Variants in KLHL35 observed in about 807,000 individuals in gnomAD.
KLHL35 encodes kelch-like protein 35.
In KLHL35, 50 loss-of-function variants were observed where a neutral mutation model predicts 44.0. The ratio of observed to expected loss-of-function variants is 1.14; its 90% CI spans 0.91 to 1.44. The LOEUF (loss-of-function observed/expected upper bound fraction) is 1.44. Among genes scored for constraint, KLHL35 ranks in the 40% most tolerant of loss-of-function variants. The pLI, the probability that KLHL35 is intolerant of heterozygous loss-of-function variation, is 0.00. For synonymous variants in KLHL35, 470 were observed against 410.4 expected, an observed-to-expected ratio of 1.15 and a Z score of -1.76; for missense variants, 1,049 against 887.8, an observed-to-expected ratio of 1.18 and a Z score of -2.31.
chr11:75,428,553 C>A lies in KLHL35; in HGVS notation c.955G>T (p.Ala319Ser), dbSNP rs757064527. Reference protein sequence around the residue: ...DRKGLLKLPFADAYHPESQRW... With the variant: ...DRKGLLKLPFSDAYHPESQRW... Reference sequence around the variant, plus strand: ...TGGCTCTCTGGATGGTAGGCATCGGCGAAGGGCAGCTTCAGGAGACCTTTG... The same window carrying A: ...TGGCTCTCTGGATGGTAGGCATCGGAGAAGGGCAGCTTCAGGAGACCTTTG... The change falls in exon 3 of 7, where the codon GCC (alanine) becomes TCC (serine). Residue 319 changes from alanine (A) to serine (S), a missense_variant. By Grantham distance (99) the Ala-to-Ser change is moderately conservative (BLOSUM62 1). Transcript: ENST00000539798. 2 of 1,611,524 alleles carry A rather than the reference C, an allele frequency of 1.2e-6. No individual in the cohort carries two copies. Among genetic ancestry groups the A allele is most frequent in the Non-Finnish European group, 1.7e-6 (2 of 1,179,700 alleles).
At chr11:75,432,551 A>G (rs1948545843) in intron 1 of KLHL35, among the ~76,000 whole-genome samples, 1 of 152,172 alleles carries the variant, frequency 6.6e-6, no homozygotes, top group Admixed American at 6.5e-5. Flanking sequence ...GAGACTCAAG[A>G]GGGCAGGTCT....
chr11:75,422,955 T>G, intron 6 of KLHL35, 187 bp from the exon 7 acceptor site: 1 of 597,512 alleles, frequency 1.7e-6, no homozygotes, highest in East Asian at 2.8e-5. Flanking sequence ...GTGAATGGCG[T>G]TAGGCAAGTC....
chr11:75,423,621 A>G (rs1278006112), intron 6 of KLHL35, 71 bp downstream of exon 6: 40 of 1,320,926 alleles, frequency 3.0e-5, no homozygotes, highest in Middle Eastern at 3.7e-4. Context: ...TGGAGTCACA[A>G]GATTCACAAG....
At chr11:75,426,691 C>T (rs754581571) in intron 3 of KLHL35, 53 bp from the exon 4 acceptor site, 2 of 1,284,566 alleles carry the variant, frequency 1.6e-6, no homozygotes, top group Admixed American at 2.0e-5. Context: ...ATCCCAAGCA[C>T]CCCCAAAGAG....
chr11:75,424,201 C>T lies in KLHL35; in HGVS notation c.1375-321G>A, dbSNP rs1948472977. 1.1e-5 allele frequency: 3 copies of T among 263,044 alleles called. No homozygotes were observed. The East Asian group carries it at 2.5e-4, about 22-fold the overall frequency. The allele number at this position is 263,044 out of a possible 1,614,324, so 16.3% of individuals were successfully genotyped here. A position where few individuals can be genotyped will look rare whatever the true frequency, so the allele number is the denominator to read the frequency against. ...GTTCCCCCCTCCCCTCACCCCTCAACACACACACACAGGAACAGTCTCTCC... is the reference window on the plus strand; with the variant it reads ...GTTCCCCCCTCCCCTCACCCCTCAATACACACACACAGGAACAGTCTCTCC... On this transcript the variant is annotated intron_variant, in intron 5 of 6. Coordinates refer to ENST00000539798, the MANE Select transcript of KLHL35 (RefSeq NM_001039548.3).
intron 6 of KLHL35, chr11:75,422,972 C>A (rs1014795013): frequency 5.3e-6 from 3 of 569,136 alleles, no homozygotes; most frequent in Admixed American, 3.0e-5. Flanking sequence ...AGTCACTTAA[C>A]CTCTCTGGAC....
chr11:75,422,481 G>A lies in KLHL35; in HGVS notation c.*99C>T. 9.1e-7 allele frequency: 1 copy of A among 1,099,030 alleles called. No individual in the cohort carries two copies. The highest frequency in any genetic ancestry group is 1.3e-6 in the Non-Finnish European group (1 of 758,766). 68.1% of individuals were successfully genotyped at this position (1,099,030 alleles called of 1,614,324 possible). A position where few individuals can be genotyped will look rare whatever the true frequency, so the allele number is the denominator to read the frequency against. The stretch of plus-strand genomic sequence containing the variant: ...TTTATACAAGAAAAGGGACCATTAA[G>A]TTAAGGGCTGTTTGCGTGGAGGTGC... On this transcript the variant is annotated 3_prime_UTR_variant, in exon 7 of 7. Coordinates refer to ENST00000539798, the MANE Select transcript of KLHL35 (RefSeq NM_001039548.3).
At chr11:75,427,822 C>T (rs1386349386) in intron 3 of KLHL35, among the ~76,000 whole-genome samples, 1 of 152,198 alleles carries the variant, frequency 6.6e-6, no homozygotes. Context: ...GTCATCTCTT[C>T]TATGAACCCT....
At position 75,428,399 on chromosome 11, in the gene KLHL35, C is replaced by G. The variant is rs1319815870; in HGVS notation, c.1066+43G>C. ...CAAAGGGGGTGGAGTGCGGAGGCTA[C>G]TAGTCAATCCCGTGTGAGCTCCCGT... On this transcript the variant is annotated intron_variant, in intron 3 of 6. Transcript: ENST00000539798. 2.5e-6 allele frequency: 4 copies of G among 1,605,028 alleles called. No individual in the cohort carries two copies. The South Asian group carries it at 4.4e-5, about 18-fold the overall frequency.
Position 75,430,214 on chromosome 11 carries a change from C to T in KLHL35, c.416G>A (p.Arg139His), listed in dbSNP as rs1178799918. 9 of 1,229,636 alleles carry T rather than the reference C, an allele frequency of 7.3e-6. No individual in the cohort carries two copies. The highest frequency in any genetic ancestry group is 4.8e-5 in the African/African-American group (3 of 62,158). 76.2% of individuals were successfully genotyped at this position (1,229,636 alleles called of 1,614,324 possible). Residue 139 changes from arginine to histidine, a missense_variant, in exon 2 of 7, where the codon CGC becomes CAC. Physicochemically the swap from Arg to His is conservative, Grantham distance 29 (BLOSUM62 0). Transcript: ENST00000539798. ...LAERLGVAGL[R>H]EACVRFLEGR... The stretch of plus-strand genomic sequence containing the variant: ...CTCGAGAAAGCGCACGCAGGCCTCG[C>T]GCAGGCCCGCCACGCCCAGCCGCTC...
intron 1 of KLHL35, among the ~76,000 whole-genome samples, chr11:75,430,846 C>A (rs554152106): frequency 6.6e-6 from 1 of 152,346 alleles, no homozygotes; most frequent in Non-Finnish European, 1.5e-5. Context: ...GTGCCCTTTT[C>A]GGTTCTTCAA....
intron 6 of KLHL35, 129 bp downstream of exon 6, chr11:75,423,563 C>T (rs1948467499): frequency 2.6e-6 from 2 of 775,922 alleles, no homozygotes; most frequent in African/African-American, 1.7e-5. Context: ...GGTTCACTAT[C>T]ACTGTGAGGA....
At chr11:75,423,965 CG>C in intron 5 of KLHL35, 85 bp from the exon 6 acceptor site, 4 of 1,080,866 alleles carry the variant, frequency 3.7e-6, no homozygotes, top group Non-Finnish European at 4.0e-6. Context: ...CCTCTCCCCC[CG>C]GGGGCACTCA....
chr11:75,424,214 G>C (rs1948473044), intron 5 of KLHL35: 1 of 273,224 alleles, frequency 3.7e-6, no homozygotes, highest in Admixed American at 4.9e-5. Context: ...ACACACACAG[G>C]AACAGTCTCT....
rs558683713 is a variant in KLHL35 at position 75,429,698 on chromosome 11, G to A, written c.881+51C>T. The A allele has an allele frequency of 3.0e-4, 419 of 1,405,746 alleles. 1 individual carries two copies. The highest frequency in any genetic ancestry group is 6.4e-5 in the Non-Finnish European group (69 of 1,086,464). 87.1% of individuals were successfully genotyped at this position (1,405,746 alleles called of 1,614,324 possible). On this transcript the variant is annotated intron_variant, in intron 2 of 6. Transcript: ENST00000539798. ...ATGATGAAAGAATGAATGAGCGGTG[G>A]AAGCAGGCGGGAAGAACGGAGGGCG...
In KLHL35 at chr11:75,429,779, T is replaced by C; in HGVS notation, c.851A>G (p.Glu284Gly). 6.7e-7 allele frequency: 1 copy of C among 1,501,788 alleles called. No homozygotes were observed. Among genetic ancestry groups the C allele is most frequent in the Non-Finnish European group, 8.8e-7 (1 of 1,131,206 alleles). 93.0% of individuals were successfully genotyped at this position (1,501,788 alleles called of 1,614,324 possible). The change falls in exon 2 of 7, where the codon GAG (glutamate) becomes GGG (glycine). Residue 284 changes from glutamate to glycine, a missense_variant. Physicochemically the swap from Glu to Gly is moderately conservative, Grantham distance 98. Coordinates refer to ENST00000539798, the MANE Select transcript of KLHL35 (RefSeq NM_001039548.3). ...CGGCCGGGTCCGCAGCGCACCGGCCTCGCGGCCCAGGATGAAGCAGGCGCG... is the reference window on the plus strand; with the variant it reads ...CGGCCGGGTCCGCAGCGCACCGGCCCCGCGGCCCAGGATGAAGCAGGCGCG... ...EARACFILGR[E>G]AGALRTRPRR...
At chr11:75,422,876 C>T (rs1948462102) in intron 6 of KLHL35, 108 bp from the exon 7 acceptor site, 1 of 989,766 alleles carries the variant, frequency 1.0e-6, no homozygotes, top group Non-Finnish European at 1.5e-6. Context: ...TGTGAACAGG[C>T]AATCTGGACT....
chr11:75,425,041 GTTT>G (rs56369585), intron 5 of KLHL35: 52 of 205,206 alleles, frequency 2.5e-4, no homozygotes, highest in Middle Eastern at 1.7e-3. Context: ...GGGATTATGG[GTTT>G]TTTTTTTTTC....
intron 3 of KLHL35, chr11:75,426,909 T>G (rs1592038306): frequency 3.0e-6 from 1 of 334,132 alleles, no homozygotes; most frequent in Non-Finnish European, 5.7e-6. Flanking sequence ...GTGGTGGTGG[T>G]GGTGTGCCAG....
Sources: allele counts gnomAD v4.1 joint callset (sites outside exome capture counted in the v4.1 genomes callset), GRCh38; gene constraint gnomAD v4.1.1; transcripts MANE v1.5; gene names NCBI Gene and HGNC (gene_info 2026-07-23, HGNC 2026-07-21).